The following PDE6C variants were observed in gnomAD, a reference collection of about 807,000 sequenced individuals.
PDE6C encodes phosphodiesterase 6C.
A neutral mutation model predicts 113.1 loss-of-function variants in PDE6C; 75 were observed. That is an observed-to-expected ratio of 0.66 (90% CI 0.55 to 0.80). The LOEUF (loss-of-function observed/expected upper bound fraction) is 0.80, where lower values mean the gene tolerates loss of function less well. PDE6C is among the 30% of genes least tolerant of loss of function. The pLI is 0.00. For synonymous variants in PDE6C, 375 were observed against 363.7 expected (o/e 1.03, Z -0.35); for missense variants, 912 against 1,038.6 (o/e 0.88, Z 1.67).
intron 7 of PDE6C, among the ~76,000 whole-genome samples, 196 bp from the exon 8 acceptor site, chr10:93,629,062 T>C (rs898134869): frequency 9.2e-5 from 14 of 152,128 alleles, no homozygotes; most frequent in Non-Finnish European, 1.5e-5. Context: ...CCTCCAGTGA[T>C]TTAATTAGCA....
At chr10:93,647,228 C>A (rs2148295) in intron 15 of PDE6C, among the ~76,000 whole-genome samples, 65,901 of 151,542 alleles carry the variant, frequency 0.43, 14,656 homozygotes, top group Non-Finnish European at 0.49. Context: ...TGTTTTGTCG[C>A]AGGCAGTGAA....
At chr10:93,654,763 T>TTTC in intron 15 of PDE6C, among the ~76,000 whole-genome samples, 1 of 41,550 alleles carries the variant, frequency 2.4e-5, no homozygotes, top group South Asian at 9.4e-4. Context: ...TCTTTCTTTC[T>TTTC]TTCTTTCTTT....
At chr10:93,662,203 A>C in intron 19 of PDE6C, 70 bp downstream of exon 19, 1 of 962,162 alleles carries the variant, frequency 1.0e-6, no homozygotes, top group South Asian at 1.3e-5. Flanking sequence ...GGTGGCTCAC[A>C]CCTGTAATCC....
intron 10 of PDE6C, among the ~76,000 whole-genome samples, chr10:93,636,365 GCTTTGT>G (rs1328601326): frequency 6.8e-4 from 16 of 23,434 alleles, no homozygotes; most frequent in East Asian, 1.7e-3. Context: ...TATTTCCCTG[GCTTTGT>G]GTGTGTGTGT....
chr10:93,654,778 C>CTTTTT (rs752229142), intron 15 of PDE6C, among the ~76,000 whole-genome samples: 1 of 60,344 alleles, frequency 1.7e-5, no homozygotes, highest in South Asian at 6.3e-4. Flanking sequence ...TTCTTTCTTT[C>CTTTTT]TTTCTTTCTT....
At chr10:93,656,549 ATATT>A (rs1336371827) in intron 16 of PDE6C, among the ~76,000 whole-genome samples, 4 of 151,544 alleles carry the variant, frequency 2.6e-5, no homozygotes, top group Admixed American at 6.6e-5. Context: ...CCTTCACTAA[ATATT>A]TATTTATTAT....
chr10:93,663,097 A>C lies in PDE6C; in HGVS notation c.2437A>C (p.Lys813Gln). The part of the protein sequence containing the change: ...SGLQNNRVEW[K>Q]SLADEYDAKM... ...TCTTCAGAATAACAGAGTAGAATGG[A>C]AATCACTAGCTGATGAGTATGATGC... Residue 813 changes from lysine (K) to glutamine (Q), a missense_variant, in exon 21 of 22, where the codon AAA becomes CAA. Transcript: ENST00000371447. The C allele has an allele frequency of 6.2e-7, 1 of 1,613,552 alleles. No individual in the cohort carries two copies.
At chr10:93,630,532 AGCCTCTTATTTTCT>A (rs1269708416) in intron 8 of PDE6C, among the ~76,000 whole-genome samples, 1 of 151,862 alleles carries the variant, frequency 6.6e-6, no homozygotes, top group African/African-American at 2.4e-5. Flanking sequence ...TTGGCTCCAC[AGCCTCTTATTTTCT>A]GCCTCTGGGC....
rs1322022754 is a variant in PDE6C, at chr10:93,620,879, TGCC to T, written c.634-10_634-8del. 1.2e-6 allele frequency: 2 copies of T among 1,613,688 alleles called. No individual in the cohort carries two copies. The highest frequency in any genetic ancestry group is 4.5e-5 in the East Asian group (2 of 44,892). On this transcript the variant is annotated splice_polypyrimidine_tract_variant and intron_variant, in intron 2 of 21. Coordinates refer to ENST00000371447, the MANE Select transcript of PDE6C (RefSeq NM_006204.4). ...GTCACAACCATAACTTGTTATTCTC[TGCC>T]GTCTGTAGGTCTTTTCCAAATACCT...
chr10:93,635,920 A>G (rs2134607446), intron 10 of PDE6C, among the ~76,000 whole-genome samples: 1 of 152,258 alleles, frequency 6.6e-6, no homozygotes, highest in East Asian at 1.9e-4. Flanking sequence ...AGGAAGGGAA[A>G]TGTATCAGTC....
chr10:93,663,783 GT>G (rs923822100), intron 21 of PDE6C, among the ~76,000 whole-genome samples: 27 of 152,140 alleles, frequency 1.8e-4, no homozygotes, highest in Admixed American at 9.8e-4. Context: ...GTTTAATGTT[GT>G]TTTTGGATTC....
At chr10:93,659,672 A>T (rs906880438) in intron 18 of PDE6C, among the ~76,000 whole-genome samples, 1 of 152,180 alleles carries the variant, frequency 6.6e-6, no homozygotes, top group African/African-American at 2.4e-5. Context: ...GACTTACTTA[A>T]TATCACTAGA....
At chr10:93,622,510 T>G (rs1308677354) in intron 4 of PDE6C, among the ~76,000 whole-genome samples, 4 of 152,096 alleles carry the variant, frequency 2.6e-5, no homozygotes, top group African/African-American at 9.7e-5. Flanking sequence ...TTCTCTGGGT[T>G]TTGACAAATG....
rs370213696 is a variant in PDE6C, at chr10:93,636,612, A to T, written c.1414-383A>T. 1.8e-3 allele frequency among the ~76,000 whole-genome samples: 259 copies of T among 143,712 alleles called. 1 individual carries two copies. The highest frequency in any genetic ancestry group is 7.5e-3 in the African/African-American group (252 of 33,768). 94.3% of individuals were successfully genotyped at this position (143,712 alleles called of 152,430 possible). Reference sequence around the variant, plus strand: ...ACATGCAAACAACCCACACCTCTTTAAAAAAACCAGCTACTGTAATCATTT... The same window carrying T: ...ACATGCAAACAACCCACACCTCTTTTAAAAAACCAGCTACTGTAATCATTT... On this transcript the variant is annotated intron_variant, in intron 10 of 21. Transcript: ENST00000371447.
At chr10:93,654,904 G>GT (rs1305218827) in intron 15 of PDE6C, among the ~76,000 whole-genome samples, 2 of 150,284 alleles carry the variant, frequency 1.3e-5, no homozygotes, top group Non-Finnish European at 3.0e-5. Flanking sequence ...AGTCCCCAGC[G>GT]TTAAGCAATC....
chr10:93,657,040 C>G (rs1042203406), intron 16 of PDE6C, among the ~76,000 whole-genome samples: 2 of 152,122 alleles, frequency 1.3e-5, no homozygotes, highest in African/African-American at 4.8e-5. Flanking sequence ...GTATTCCACC[C>G]CTACTCCACT....
intron 11 of PDE6C, among the ~76,000 whole-genome samples, chr10:93,637,849 C>A (rs2058541301): frequency 6.6e-6 from 1 of 152,058 alleles, no homozygotes; most frequent in Non-Finnish European, 1.5e-5. Context: ...TTAAAGCATG[C>A]CTTATGCTTT....
chr10:93,618,281 A>G (rs950933224), intron 1 of PDE6C, among the ~76,000 whole-genome samples: 2 of 152,188 alleles, frequency 1.3e-5, no homozygotes, highest in Non-Finnish European at 2.9e-5. Context: ...TATGTGCCAG[A>G]CACTCTTTTT....
At chr10:93,652,052 T>C (rs576547515) in intron 15 of PDE6C, among the ~76,000 whole-genome samples, 1 of 152,190 alleles carries the variant, frequency 6.6e-6, no homozygotes, top group Admixed American at 6.6e-5. Context: ...TGTGTGTATG[T>C]CCCACTTTGT....
Sources: allele counts gnomAD v4.1 joint callset (sites outside exome capture counted in the v4.1 genomes callset), GRCh38; gene constraint gnomAD v4.1.1; transcripts MANE v1.5; gene names NCBI Gene and HGNC (gene_info 2026-07-23, HGNC 2026-07-21).